SETD5: variants seen among roughly 807,000 people sequenced by gnomAD.
SETD5 encodes histone-lysine N-methyltransferase SETD5.
Under a neutral mutation model 153.3 loss-of-function variants are expected in SETD5, and 44 were observed. That is an observed-to-expected ratio of 0.29 (90% CI 0.23 to 0.37). The LOEUF (loss-of-function observed/expected upper bound fraction) is 0.37. Ranked by LOEUF, SETD5 falls within the 10% of genes least tolerant of loss-of-function variation. SETD5 has a pLI of 1.00. For synonymous variants in SETD5, 716 were observed against 645.2 expected (o/e 1.11, Z -1.66); for missense variants, 1,544 against 1,768.0 (o/e 0.87, Z 2.27).
At chr3:9,429,233 A>C (rs2039672385) in intron 3 of SETD5, 1 of 307,798 alleles carries the variant, frequency 3.2e-6, no homozygotes, top group African/African-American at 2.2e-5. Flanking sequence ...AATAATTAAT[A>C]GAACCAAAGT....
At chr3:9,460,778 A>AC (rs2043863846) in intron 17 of SETD5, among the ~76,000 whole-genome samples, 4 of 152,274 alleles carry the variant, frequency 2.6e-5, no homozygotes, top group Non-Finnish European at 4.4e-5. Flanking sequence ...GCTACCCCAT[A>AC]TTTAAGTATG....
At chr3:9,463,273 C>T (rs1319266728) in intron 17 of SETD5, among the ~76,000 whole-genome samples, 1 of 152,180 alleles carries the variant, frequency 6.6e-6, no homozygotes, top group South Asian at 2.1e-4. Context: ...CTGCCTGCCT[C>T]AGCCTCCCAA....
intron 17 of SETD5, among the ~76,000 whole-genome samples, chr3:9,458,200 G>A (rs756959624): frequency 5.3e-5 from 8 of 152,142 alleles, no homozygotes; most frequent in Non-Finnish European, 1.2e-4. Flanking sequence ...GAGGTAGGAG[G>A]ATCACTCAAG....
At chr3:9,438,390 A>T (rs2040851052) in intron 7 of SETD5, among the ~76,000 whole-genome samples, 1 of 152,202 alleles carries the variant, frequency 6.6e-6, no homozygotes, top group Non-Finnish European at 1.5e-5. Flanking sequence ...TTATCAAGCA[A>T]CTATCATAAC....
At chr3:9,460,448 A>G (rs945151934) in intron 17 of SETD5, among the ~76,000 whole-genome samples, 5 of 147,426 alleles carry the variant, frequency 3.4e-5, no homozygotes, top group African/African-American at 1.2e-4. Flanking sequence ...TTTTTTTTTT[A>G]ATAGTATGAG....
Position 9,447,088 on chromosome 3 carries a change from T to G in SETD5, c.1563T>G (p.Ala521=), listed in dbSNP as rs2042108623. The G allele has an allele frequency of 6.2e-7, 1 of 1,613,692 alleles. No homozygotes were observed. The highest frequency in any genetic ancestry group is 8.5e-7 in the Non-Finnish European group (1 of 1,179,718). Residue 521 remains alanine, a synonymous_variant, in exon 14 of 23, where the codon GCT becomes GCG. Coordinates refer to ENST00000402198, the MANE Select transcript of SETD5 (RefSeq NM_001080517.3). ...EDRKVEAIMH[A]FENLEKRKKR... is the part of the protein sequence containing the mutation. The stretch of plus-strand genomic sequence containing the variant: ...GAAAGGTAGAAGCCATCATGCATGC[T>G]TTTGAAAACTTAGAGAAAAGAAAGA...
chr3:9,459,437 T>C (rs1301562466), intron 17 of SETD5, among the ~76,000 whole-genome samples: 1 of 152,032 alleles, frequency 6.6e-6, no homozygotes, highest in Non-Finnish European at 1.5e-5. Context: ...ACTTTTGAAT[T>C]AGATTTGTGA....
At chr3:9,399,465 T>C (rs1404914531) in intron 1 of SETD5, among the ~76,000 whole-genome samples, 1 of 152,080 alleles carries the variant, frequency 6.6e-6, no homozygotes, top group Non-Finnish European at 1.5e-5. Context: ...TCCAGTTTTC[T>C]CAGGATCATT....
At chr3:9,404,649 C>A (rs2035375288) in intron 1 of SETD5, among the ~76,000 whole-genome samples, 1 of 152,164 alleles carries the variant, frequency 6.6e-6, no homozygotes, top group Non-Finnish European at 1.5e-5. Context: ...TGTGCTATGA[C>A]CCACATTGCC....
At chr3:9,433,567 G>A (rs2040212719) in intron 3 of SETD5, 5 of 1,295,810 alleles carry the variant, frequency 3.9e-6, no homozygotes, top group African/African-American at 3.0e-5. Context: ...CAGCTGGTAC[G>A]TTTGTGTTTG....
intron 3 of SETD5, chr3:9,430,171 T>G (rs2039796134): frequency 2.0e-6 from 2 of 1,011,400 alleles, no homozygotes; most frequent in Non-Finnish European, 2.4e-6. Context: ...CATCCCTGAT[T>G]AATAAGTGGT....
chr3:9,468,801 T>C (rs1265942174), intron 18 of SETD5, among the ~76,000 whole-genome samples: 1 of 151,866 alleles, frequency 6.6e-6, no homozygotes, highest in African/African-American at 2.4e-5. Flanking sequence ...TGTGTTTGTG[T>C]GTGTGTGTGT....
chr3:9,413,613 T>G (rs906039273), intron 1 of SETD5, among the ~76,000 whole-genome samples: 1 of 150,732 alleles, frequency 6.6e-6, no homozygotes, highest in Non-Finnish European at 1.5e-5. Flanking sequence ...TGGGAGTAAT[T>G]TGTAAATTCT....
Position 9,470,480 on chromosome 3 carries a change from G to T in SETD5, c.2746G>T (p.Asp916Tyr), listed in dbSNP as rs771523806. 1 of 1,611,348 alleles carries T rather than the reference G, an allele frequency of 6.2e-7. No individual in the cohort carries two copies. The highest frequency in any genetic ancestry group is 1.7e-5 in the Admixed American group (1 of 59,896). ...TCAGCTTTGTCACCGAAAAGACCTG[G>T]ATTTGGCAAAAGTAGGATACCTTGA... ...QFELCHRKDLDLAKVGYLDSN... is the reference protein window; with the variant it reads ...QFELCHRKDLYLAKVGYLDSN... Residue 916 changes from aspartate (D) to tyrosine (Y), a missense_variant, in exon 19 of 23, where the codon GAT becomes TAT. Transcript: ENST00000402198.
intron 1 of SETD5, among the ~76,000 whole-genome samples, chr3:9,418,190 C>G (rs1183845027): frequency 6.6e-6 from 1 of 150,544 alleles, no homozygotes; most frequent in Non-Finnish European, 1.5e-5. Context: ...CCTTGTGATC[C>G]TCCCGCCTCG....
At chr3:9,468,525 T>C (rs1453654557) in intron 18 of SETD5, 1 of 1,304,226 alleles carries the variant, frequency 7.7e-7, no homozygotes, top group Admixed American at 2.3e-5. Context: ...CTAGAACATA[T>C]CCTCCCCTGA....
chr3:9,409,299 A>G (rs1365471081), intron 1 of SETD5, among the ~76,000 whole-genome samples: 2 of 152,338 alleles, frequency 1.3e-5, no homozygotes, highest in East Asian at 3.9e-4. Context: ...GTTTATATAC[A>G]GAAGGTAAGA....
chr3:9,435,977 A>G, intron 7 of SETD5, 71 bp downstream of exon 7: 1 of 1,396,720 alleles, frequency 7.2e-7, no homozygotes, highest in Non-Finnish European at 9.6e-7. Context: ...AGAATGCACC[A>G]AAATTCTTTT....
At chr3:9,468,603 T>G (rs2044910754) in intron 18 of SETD5, 1 of 1,302,958 alleles carries the variant, frequency 7.7e-7, no homozygotes, top group Non-Finnish European at 1.0e-6. Context: ...TCAATCACAC[T>G]TGGAGGCTGA....
Sources: gnomAD v4.1 joint callset for allele counts (sites outside exome capture counted in the v4.1 genomes callset) on GRCh38, gnomAD v4.1.1 for gene constraint, MANE v1.5 for transcripts, NCBI Gene and HGNC (gene_info 2026-07-23, HGNC 2026-07-21) for gene names.